Variants in DERL1 observed in about 807,000 individuals in gnomAD.
The protein encoded by DERL1 is derlin 1.
In DERL1, 24 loss-of-function variants were observed where a neutral mutation model predicts 41.6. The observed-to-expected ratio is 0.58, with a 90% CI of 0.42 to 0.81. The LOEUF (loss-of-function observed/expected upper bound fraction) is 0.81, where lower values mean the gene tolerates loss of function less well. DERL1 is among the 30% of genes least tolerant of loss of function. The pLI, the probability that DERL1 is intolerant of heterozygous loss-of-function variation, is 0.00. For missense variants in DERL1, 260 were observed against 314.3 expected (o/e 0.83, Z 1.31); for synonymous variants, 124 against 112.5 (o/e 1.10, Z -0.65).
intron 1 of DERL1, among the ~76,000 whole-genome samples, chr8:123,041,413 CG>C (rs1813062201): frequency 6.6e-6 from 1 of 152,212 alleles, no homozygotes; most frequent in South Asian, 2.1e-4. Flanking sequence ...CCCATTCCTT[CG>C]TACATTCTAT....
chr8:123,014,120 T>C lies in DERL1; in HGVS notation c.*1327A>G, dbSNP rs1385958635. ...AACAGTCTGCTTTCAGATAACGTCA[T>C]AAAATAAAATAACTGTGTGAAAAGC... On this transcript the variant is annotated 3_prime_UTR_variant, in exon 8 of 8. Coordinates refer to ENST00000259512, the MANE Select transcript of DERL1 (RefSeq NM_024295.6). 6.6e-6 allele frequency: 1 copy of C among 152,326 alleles called. No individual in the cohort carries two copies. Among genetic ancestry groups the C allele is most frequent in the East Asian group, 1.9e-4 (1 of 5,202 alleles). The allele number at this position is 152,326 out of a possible 1,614,324, so 9.4% of individuals were successfully genotyped here.
rs541412805 is a variant in DERL1, at chr8:123,034,442, C to A, written c.154-3726G>T. On this transcript the variant is annotated intron_variant, in intron 1 of 7. Coordinates refer to ENST00000259512, the MANE Select transcript of DERL1 (RefSeq NM_024295.6). Reference sequence around the variant, plus strand: ...CTTATAAGTCACCACTTCCGAGCCTCAATTTCCATAGTTAATTTTTTTAAA... The same window carrying A: ...CTTATAAGTCACCACTTCCGAGCCTAAATTTCCATAGTTAATTTTTTTAAA... Among the ~76,000 whole-genome samples, 25 of 152,274 alleles carry A rather than the reference C, an allele frequency of 1.6e-4. No homozygotes were observed. In the South Asian group the frequency reaches 5.2e-3, roughly 32 times the overall value.
chr8:123,022,964 T>C (rs369271147), intron 4 of DERL1, among the ~76,000 whole-genome samples, 185 bp from the exon 5 acceptor site: 2 of 152,312 alleles, frequency 1.3e-5, no homozygotes, highest in African/African-American at 4.8e-5. Context: ...AATCCTATAA[T>C]AAAATACAAC....
At chr8:123,020,017 T>G (rs1814715817) in intron 6 of DERL1, among the ~76,000 whole-genome samples, 1 of 152,238 alleles carries the variant, frequency 6.6e-6, no homozygotes, top group South Asian at 2.1e-4. Context: ...AAGAGCAGCT[T>G]TGCCAAGTTC....
intron 1 of DERL1, among the ~76,000 whole-genome samples, chr8:123,040,326 G>A (rs912735974): frequency 7.2e-5 from 11 of 152,208 alleles, no homozygotes; most frequent in East Asian, 3.8e-4. Flanking sequence ...TCAACAAGAC[G>A]GCATTTGGGC....
At position 123,034,267 on chromosome 8, in the gene DERL1, AAGT is replaced by A. The variant is rs1812877099; in HGVS notation, c.154-3554_154-3552del. On this transcript the variant is annotated intron_variant, in intron 1 of 7. Coordinates refer to ENST00000259512, the MANE Select transcript of DERL1 (RefSeq NM_024295.6). The stretch of plus-strand genomic sequence containing the variant: ...GGGAAATGCAATGTGCATACCAAAA[AAGT>A]GACTTTCCAAGAAACGTGTATTAAA... Among the ~76,000 whole-genome samples the A allele has an allele frequency of 2.6e-5, 4 of 152,218 alleles. No individual in the cohort carries two copies. In the East Asian group the frequency reaches 7.7e-4, roughly 29 times the overall value.
intron 6 of DERL1, 108 bp downstream of exon 6, chr8:123,021,339 C>A: frequency 9.9e-7 from 1 of 1,011,106 alleles, no homozygotes; most frequent in Non-Finnish European, 1.5e-6. Context: ...GGTTCTAATG[C>A]GTCAATGTTG....
rs1452063907 is a variant in DERL1 at position 123,029,011 on chromosome 8, G to A, written c.265+1594C>T. ...TGAACCCCGGCAGTCAAGGCTGCAG[G>A]GAGCCATGACTGTGCCACTATACTC... is the stretch of plus-strand genomic sequence containing the variant. On this transcript the variant is annotated intron_variant, in intron 2 of 7. Transcript: ENST00000259512. Among the ~76,000 whole-genome samples the A allele has an allele frequency of 2.0e-5, 3 of 152,012 alleles. No homozygotes were observed. The East Asian group carries it at 5.8e-4, about 29-fold the overall frequency.
intron 1 of DERL1, among the ~76,000 whole-genome samples, chr8:123,031,713 G>A (rs960983289): frequency 2.0e-5 from 3 of 151,660 alleles, no homozygotes; most frequent in Admixed American, 6.6e-5. Context: ...TACTCTATAC[G>A]GCACTGTTTT....
At chr8:123,039,910 T>C (rs376158902) in intron 1 of DERL1, among the ~76,000 whole-genome samples, 2 of 152,252 alleles carry the variant, frequency 1.3e-5, no homozygotes, top group Non-Finnish European at 2.9e-5. Context: ...CAAAGGGTAA[T>C]ATGTAGCAAG....
At chr8:123,041,066 G>A (rs1359500135) in intron 1 of DERL1, among the ~76,000 whole-genome samples, 1 of 152,180 alleles carries the variant, frequency 6.6e-6, no homozygotes, top group Non-Finnish European at 1.5e-5. Context: ...AAGCTAGGGA[G>A]AGTCTATAGA....
At chr8:123,027,189 G>A (rs1468828315) in intron 2 of DERL1, among the ~76,000 whole-genome samples, 1 of 151,370 alleles carries the variant, frequency 6.6e-6, no homozygotes, top group Non-Finnish European at 1.5e-5. Flanking sequence ...AGCTACTCAG[G>A]AGGCTGAGGC....
At chr8:123,019,442 CT>C in intron 6 of DERL1, 137 bp from the exon 7 acceptor site, 1 of 633,338 alleles carries the variant, frequency 1.6e-6, no homozygotes, top group Non-Finnish European at 2.8e-6. Context: ...ACAATGAGCA[CT>C]TTTGTAGTCT....
intron 2 of DERL1, among the ~76,000 whole-genome samples, chr8:123,028,013 G>C (rs539983841): frequency 7.0e-6 from 1 of 142,330 alleles, no homozygotes; most frequent in South Asian, 2.2e-4. Flanking sequence ...AGTGAGCTGA[G>C]ATCACGCTAC....
chr8:123,023,419 G>A (rs1047165352), intron 4 of DERL1, among the ~76,000 whole-genome samples: 2 of 152,080 alleles, frequency 1.3e-5, no homozygotes, highest in South Asian at 4.1e-4. Context: ...GCCGGGTGTG[G>A]TGGCGTGCAT....
chr8:123,038,941 C>T (rs1812988646), intron 1 of DERL1, among the ~76,000 whole-genome samples: 1 of 152,192 alleles, frequency 6.6e-6, no homozygotes, highest in Non-Finnish European at 1.5e-5. Flanking sequence ...ACAGCCAAAA[C>T]CTAACTCTTC....
intron 6 of DERL1, among the ~76,000 whole-genome samples, chr8:123,020,919 T>C (rs1013352805): frequency 1.4e-5 from 2 of 146,738 alleles, no homozygotes; most frequent in African/African-American, 5.1e-5. Flanking sequence ...TGAGCCAAGA[T>C]CGCACCATTG....
chr8:123,030,060 A>T (rs905596636), intron 2 of DERL1, among the ~76,000 whole-genome samples: 23 of 151,834 alleles, frequency 1.5e-4, no homozygotes, highest in African/African-American at 5.6e-4. Context: ...ATTGTCTCAA[A>T]AAATAAATAA....
Position 123,021,443 on chromosome 8 carries a change from T to C in DERL1, c.506+4A>G. The C allele has an allele frequency of 6.2e-7, 1 of 1,612,592 alleles. No individual in the cohort carries two copies. Among genetic ancestry groups the C allele is most frequent in the Non-Finnish European group, 8.5e-7 (1 of 1,178,640 alleles). On this transcript the variant is annotated splice_donor_region_variant and intron_variant, in intron 6 of 7. Transcript: ENST00000259512. ...TCCAATTAAATAAATCTAATATCAC[T>C]TACGAGCCTCCGATGATATAGTTGA...
Sources: gnomAD v4.1 joint callset for allele counts (sites outside exome capture counted in the v4.1 genomes callset) on GRCh38, gnomAD v4.1.1 for gene constraint, MANE v1.5 for transcripts, NCBI Gene and HGNC (gene_info 2026-07-23, HGNC 2026-07-21) for gene names.